Variants in LRP1B observed in about 807,000 individuals in gnomAD.
LRP1B encodes the protein LDL receptor related protein 1B.
LRP1B carries 217 observed loss-of-function variants against 556.6 expected under a neutral mutation model. That is an observed-to-expected ratio of 0.39 (90% CI 0.35 to 0.44). The LOEUF is 0.44. Ranked by LOEUF, LRP1B falls within the 20% of genes least tolerant of loss-of-function variation. LRP1B has a pLI of 1.00. For synonymous variants in LRP1B, 2,047 were observed against 1,865.8 expected (o/e 1.10, Z -2.50); for missense variants, 5,053 against 5,620.8 (o/e 0.90, Z 3.23).
At chr2:141,010,176 T>C (rs1697700455) in intron 14 of LRP1B, among the ~76,000 whole-genome samples, 1 of 152,072 alleles carries the variant, frequency 6.6e-6, no homozygotes, top group African/African-American at 2.4e-5. Flanking sequence ...TATTACTTAG[T>C]TTTGATTATC....
At chr2:140,638,506 G>A (rs1039952820) in intron 41 of LRP1B, among the ~76,000 whole-genome samples, 1 of 152,138 alleles carries the variant, frequency 6.6e-6, no homozygotes, top group Non-Finnish European at 1.5e-5. Flanking sequence ...AACTCTCTGA[G>A]GATGGAAAAT....
At chr2:140,782,844 T>C (rs1025892235) in intron 32 of LRP1B, among the ~76,000 whole-genome samples, 1 of 152,126 alleles carries the variant, frequency 6.6e-6, no homozygotes, top group African/African-American at 2.4e-5. Context: ...TATTTCATTG[T>C]CATAAAAGCG....
intron 1 of LRP1B, among the ~76,000 whole-genome samples, chr2:142,043,119 C>G (rs773165637): frequency 2.0e-5 from 3 of 151,510 alleles, no homozygotes; most frequent in Non-Finnish European, 4.4e-5. Context: ...CTTGAATTTT[C>G]CTTGATGCCC....
intron 1 of LRP1B, among the ~76,000 whole-genome samples, chr2:142,006,336 T>C (rs1338841442): frequency 5.5e-4 from 84 of 152,168 alleles, no homozygotes; most frequent in Non-Finnish European, 1.3e-4. Context: ...ATCCATTAAA[T>C]CTTTAAAGAA....
intron 1 of LRP1B, among the ~76,000 whole-genome samples, chr2:141,959,420 C>T (rs60249070): frequency 0.035 from 5,283 of 151,942 alleles, 295 homozygotes; most frequent in African/African-American, 0.12. Context: ...GGTGACTGTT[C>T]GCTGTGTGTA....
intron 3 of LRP1B, among the ~76,000 whole-genome samples, chr2:141,314,832 A>G (rs865904560): frequency 3.4e-4 from 34 of 99,988 alleles, no homozygotes; most frequent in African/African-American, 7.7e-4. Flanking sequence ...ATATATGTGT[A>G]TATATATATA....
intron 7 of LRP1B, among the ~76,000 whole-genome samples, chr2:141,077,115 G>A (rs1171543299): frequency 6.6e-6 from 1 of 152,142 alleles, no homozygotes; most frequent in Non-Finnish European, 1.5e-5. Context: ...AGGCGTGGCA[G>A]CGTGTGCCTC....
intron 2 of LRP1B, among the ~76,000 whole-genome samples, chr2:141,664,384 A>G (rs916311019): frequency 2.0e-5 from 3 of 152,212 alleles, no homozygotes; most frequent in African/African-American, 7.2e-5. Context: ...AAAGAAATAA[A>G]GGGTACTCAA....
At chr2:141,201,683 C>T (rs1035562432) in intron 6 of LRP1B, among the ~76,000 whole-genome samples, 3 of 151,804 alleles carry the variant, frequency 2.0e-5, no homozygotes, top group Non-Finnish European at 4.4e-5. Context: ...CTTAACCTAA[C>T]CAAGTTGTAG....
At position 141,998,743 on chromosome 2, in the gene LRP1B, C is replaced by A. The variant is rs114343526; in HGVS notation, c.82+131905G>T. 2.1e-3 allele frequency among the ~76,000 whole-genome samples: 325 copies of A among 152,176 alleles called. 3 individuals carry two copies. Among genetic ancestry groups the A allele is most frequent in the African/African-American group, 7.2e-3 (297 of 41,502 alleles). ...CTGAAAGGTGGGACAACCTGAAGGT[C>A]GTAGGAGAGGACCTTCCAGGTCATA... On this transcript the variant is annotated intron_variant, in intron 1 of 90. Transcript: ENST00000389484.
intron 2 of LRP1B, among the ~76,000 whole-genome samples, chr2:141,617,279 A>C (rs890434434): frequency 3.9e-5 from 6 of 152,174 alleles, no homozygotes; most frequent in African/African-American, 1.4e-4. Context: ...AAACACAAGA[A>C]GTTTAGGGAG....
At chr2:140,772,892 G>C (rs1205890409) in intron 33 of LRP1B, among the ~76,000 whole-genome samples, 1 of 151,984 alleles carries the variant, frequency 6.6e-6, no homozygotes, top group Non-Finnish European at 1.5e-5. Flanking sequence ...GATCACTTGA[G>C]GTCAGGAGCT....
chr2:141,364,009 G>A (rs1309209709), intron 3 of LRP1B, among the ~76,000 whole-genome samples: 1 of 151,962 alleles, frequency 6.6e-6, no homozygotes, highest in Admixed American at 6.6e-5. Context: ...TATGGATTTG[G>A]TTTGATTTTC....
At chr2:141,658,138 A>G (rs902195428) in intron 2 of LRP1B, among the ~76,000 whole-genome samples, 1 of 152,138 alleles carries the variant, frequency 6.6e-6, no homozygotes, top group Non-Finnish European at 1.5e-5. Context: ...CATTTAAAGG[A>G]AAAAAATTAT....
At chr2:141,671,404 G>A (rs537682894) in intron 2 of LRP1B, among the ~76,000 whole-genome samples, 4 of 152,134 alleles carry the variant, frequency 2.6e-5, no homozygotes, top group Non-Finnish European at 5.9e-5. Flanking sequence ...AGGGGAAAAC[G>A]CCAAGCAAGG....
At position 141,710,096 on chromosome 2, in the gene LRP1B, G is replaced by A. The variant is rs189602760; in HGVS notation, c.205+100183C>T. Among the ~76,000 whole-genome samples the A allele has an allele frequency of 6.6e-5, 10 of 152,094 alleles. No individual in the cohort carries two copies. In the East Asian group the frequency reaches 1.7e-3, roughly 27 times the overall value. ...CCCAAATCTAAATACCATTACACTG[G>A]GGGATTAAGCTTCAACATATGAATT... On this transcript the variant is annotated intron_variant, in intron 2 of 90. Coordinates refer to ENST00000389484, the MANE Select transcript of LRP1B (RefSeq NM_018557.3).
chr2:141,603,099 G>A (rs1458178653), intron 2 of LRP1B, among the ~76,000 whole-genome samples: 1 of 152,166 alleles, frequency 6.6e-6, no homozygotes, highest in Non-Finnish European at 1.5e-5. Context: ...TGATTGGCCT[G>A]AATTAAATTT....
intron 66 of LRP1B, among the ~76,000 whole-genome samples, chr2:140,433,280 T>C (rs1046650353): frequency 5.9e-5 from 9 of 152,152 alleles, no homozygotes; most frequent in Non-Finnish European, 1.3e-4. Context: ...GTATTTTTAG[T>C]AGAGACTGGG....
intron 11 of LRP1B, among the ~76,000 whole-genome samples, chr2:141,030,118 C>T (rs1181575635): frequency 1.3e-5 from 2 of 152,212 alleles, no homozygotes; most frequent in East Asian, 3.9e-4. Flanking sequence ...AAGTTACTTG[C>T]CATATATTTT....
Sources: gnomAD v4.1 joint callset for allele counts (sites outside exome capture counted in the v4.1 genomes callset) on GRCh38, gnomAD v4.1.1 for gene constraint, MANE v1.5 for transcripts, NCBI Gene and HGNC (gene_info 2026-07-23, HGNC 2026-07-21) for gene names.